Variants in DRC1 observed in about 807,000 individuals in gnomAD.
DRC1 encodes the protein dynein regulatory complex subunit 1.
Under a neutral mutation model 98.7 loss-of-function variants are expected in DRC1, and 74 were observed. The ratio of observed to expected loss-of-function variants is 0.75; its 90% CI spans 0.62 to 0.91. The LOEUF (loss-of-function observed/expected upper bound fraction) is 0.91. DRC1 is among the 40% of genes least tolerant of loss of function. The pLI is 0.00. For synonymous variants in DRC1, 336 were observed against 334.1 expected, an observed-to-expected ratio of 1.01 and a Z score of -0.06; for missense variants, 875 against 886.0, an observed-to-expected ratio of 0.99 and a Z score of 0.16.
chr2:26,408,944 T>C (rs1196172981), intron 1 of DRC1, among the ~76,000 whole-genome samples: 1 of 152,112 alleles, frequency 6.6e-6, no homozygotes, highest in African/African-American at 2.4e-5. Flanking sequence ...ATTTATTTAT[T>C]TTTTAAGCAA....
Position 26,439,934 on chromosome 2 carries a change from T to TATATATATATATATATATAC in DRC1, c.889-441_889-440insTATATATATATATATACATA, listed in dbSNP as rs1017038187. Among the ~76,000 whole-genome samples the TATATATATATATATATATAC allele has an allele frequency of 2.5e-3, 279 of 111,672 alleles. 21 individuals carry two copies. Among genetic ancestry groups the TATATATATATATATATATAC allele is most frequent in the African/African-American group, 9.5e-3 (233 of 24,470 alleles). The allele number at this position is 111,672 out of a possible 152,430, so 73.3% of individuals were successfully genotyped here. A position where few individuals can be genotyped will look rare whatever the true frequency, so the allele number is the denominator to read the frequency against. On this transcript the variant is annotated intron_variant, in intron 7 of 16. Transcript: ENST00000288710. The stretch of plus-strand genomic sequence containing the variant: ...CAACTAGTGTGTGAATATATATATA[T>TATATATATATATATATATAC]ATACACACACACATACACACACACA...
intron 2 of DRC1, among the ~76,000 whole-genome samples, chr2:26,417,418 T>A (rs138433591): frequency 1.8e-4 from 28 of 151,642 alleles, no homozygotes; most frequent in African/African-American, 6.5e-4. Flanking sequence ...AACCGCCGCC[T>A]CCTGGGTTCA....
chr2:26,454,789 CAGTA>C lies in DRC1; in HGVS notation c.2063+3_2063+6del, dbSNP rs1664099293. 6.2e-7 allele frequency: 1 copy of C among 1,614,036 alleles called. No homozygotes were observed. ...CCTCTACACAGCCTTGGAGAAGTACCAGTAAGTGTGCATGTCATGGAGCAGGAGG... is the reference window on the plus strand; with the variant it reads ...CCTCTACACAGCCTTGGAGAAGTACCAGTGTGCATGTCATGGAGCAGGAGG... On this transcript the variant is annotated splice_donor_variant and splice_donor_region_variant and coding_sequence_variant and intron_variant, in exon 15 of 17. Coordinates refer to ENST00000288710, the MANE Select transcript of DRC1 (RefSeq NM_145038.5). LOFTEE classifies it high-confidence loss of function. The surrounding 1 kb of genome is among the most constrained non-coding windows in gnomAD (Gnocchi z 5.2).
intron 7 of DRC1, among the ~76,000 whole-genome samples, chr2:26,433,732 G>A (rs903924739): frequency 2.6e-5 from 4 of 152,166 alleles, no homozygotes; most frequent in African/African-American, 9.7e-5. Flanking sequence ...GATCAGAGAA[G>A]TGGTGGGCAG....
intron 6 of DRC1, 107 bp from the exon 7 acceptor site, chr2:26,431,777 A>G (rs1473575225): frequency 3.3e-6 from 5 of 1,525,892 alleles, no homozygotes; most frequent in South Asian, 1.3e-5. Context: ...CTGTGGAGCC[A>G]TGAAACTTCC....
chr2:26,411,143 G>T (rs996419860), intron 1 of DRC1, among the ~76,000 whole-genome samples: 5 of 152,168 alleles, frequency 3.3e-5, no homozygotes, highest in African/African-American at 1.2e-4. Flanking sequence ...AGGAGGGAGG[G>T]AGCTCAAATC....
At chr2:26,431,632 G>T (rs191275865) in intron 6 of DRC1, among the ~76,000 whole-genome samples, 44 of 151,306 alleles carry the variant, frequency 2.9e-4, no homozygotes, top group South Asian at 1.0e-3. Flanking sequence ...CAAATATTTA[G>T]ACTTCAAGGA....
Position 26,456,547 on chromosome 2 carries a change from G to T in DRC1, c.*30G>T, listed in dbSNP as rs1664182454. 2 of 1,613,634 alleles carry T rather than the reference G, an allele frequency of 1.2e-6. No homozygotes were observed. The highest frequency in any genetic ancestry group is 1.7e-6 in the Non-Finnish European group (2 of 1,179,626). On this transcript the variant is annotated 3_prime_UTR_variant, in exon 17 of 17. Transcript: ENST00000288710. ...GACCGCCAAAGGCTGATGTGTTAGG[G>T]CTGGCCTGATGCTGGTGTCTGTGCC...
chr2:26,448,103 T>G (rs1336326654), intron 10 of DRC1, among the ~76,000 whole-genome samples: 1 of 150,434 alleles, frequency 6.6e-6, no homozygotes, highest in East Asian at 2.0e-4. Context: ...TGGGTGTCTG[T>G]AATCCCAGCT....
chr2:26,437,927 A>G (rs1663614393), intron 7 of DRC1, among the ~76,000 whole-genome samples: 1 of 151,712 alleles, frequency 6.6e-6, no homozygotes. Context: ...CATCTCTACT[A>G]AAAATACAAA....
chr2:26,444,302 C>T lies in DRC1; in HGVS notation c.1109C>T (p.Thr370Ile), dbSNP rs777356236. 1.1e-5 allele frequency: 17 copies of T among 1,614,096 alleles called. No homozygotes were observed. Residue 370 changes from threonine to isoleucine, a missense_variant, in exon 9 of 17, where the codon ACC becomes ATC. Coordinates refer to ENST00000288710, the MANE Select transcript of DRC1 (RefSeq NM_145038.5). ...TTTCAGGAGGAGAACCAGTCTCTAA[C>T]CTCGGACTACAAACGTCTTGTGATG... The part of the protein sequence containing the change: ...KQFQEENQSL[T>I]SDYKRLVMQF...
At chr2:26,440,680 A>G (rs1009447452) in intron 8 of DRC1, among the ~76,000 whole-genome samples, 163 bp downstream of exon 8, 1 of 152,198 alleles carries the variant, frequency 6.6e-6, no homozygotes, top group Non-Finnish European at 1.5e-5. Flanking sequence ...TCTCCCCAAG[A>G]AAAGAGTACA....
At position 26,450,579 on chromosome 2, in the gene DRC1, T is replaced by G. The variant is rs2148004934; in HGVS notation, c.1600-13T>G. The G allele has an allele frequency of 1.9e-6, 3 of 1,606,436 alleles. No homozygotes were observed. The East Asian group carries it at 6.7e-5, about 36-fold the overall frequency. ...ATGGGGTGTTTGAGCAACCATCCTG[T>G]TTTTCGCCCCAGGCCCTTGGAATTG... is the stretch of plus-strand genomic sequence containing the variant. On this transcript the variant is annotated splice_polypyrimidine_tract_variant and intron_variant, in intron 12 of 16. Coordinates refer to ENST00000288710, the MANE Select transcript of DRC1 (RefSeq NM_145038.5).
chr2:26,444,775 A>G lies in DRC1; in HGVS notation c.1223A>G (p.Glu408Gly). 6.2e-7 allele frequency: 1 copy of G among 1,614,182 alleles called. No homozygotes were observed. The highest frequency in any genetic ancestry group is 8.5e-7 in the Non-Finnish European group (1 of 1,180,032). ...GAGATTTGGCTGATGAATGAAGAGG[A>G]GGCGAAGGACCTAATAGCCAGAGCC... The part of the protein sequence containing the change: ...FWEIWLMNEE[E>G]AKDLIARAFD... The change falls in exon 10 of 17, where the codon GAG becomes GGG. Residue 408 changes from glutamate to glycine, a missense_variant. Coordinates refer to ENST00000288710, the MANE Select transcript of DRC1 (RefSeq NM_145038.5).
intron 1 of DRC1, among the ~76,000 whole-genome samples, chr2:26,409,736 G>C: frequency 6.6e-6 from 1 of 152,220 alleles, no homozygotes; most frequent in East Asian, 1.9e-4. Context: ...CCTCATAAGA[G>C]TTGTTTTATC....
At position 26,444,697 on chromosome 2, in the gene DRC1, C is replaced by G. The variant is rs370699771; in HGVS notation, c.1164-19C>G. 1.1e-5 allele frequency: 18 copies of G among 1,611,854 alleles called. No homozygotes were observed. In the African/African-American group the frequency reaches 2.1e-4, roughly 19 times the overall value. On this transcript the variant is annotated intron_variant, in intron 9 of 16. Coordinates refer to ENST00000288710, the MANE Select transcript of DRC1 (RefSeq NM_145038.5). Reference sequence around the variant, plus strand: ...GGTCCTGGGGCCAGCTGGCCATGCTCTGTGACTCTCCTTCACAGGCATTTT... The same window carrying G: ...GGTCCTGGGGCCAGCTGGCCATGCTGTGTGACTCTCCTTCACAGGCATTTT...
At chr2:26,445,179 A>T (rs558401199) in intron 10 of DRC1, among the ~76,000 whole-genome samples, 1 of 152,182 alleles carries the variant, frequency 6.6e-6, no homozygotes, top group Admixed American at 6.5e-5. Flanking sequence ...TGCTAAGTAC[A>T]CTATTGTGTA....
chr2:26,429,781 A>T lies in DRC1; in HGVS notation c.678+16A>T. On this transcript the variant is annotated intron_variant, in intron 5 of 16. Transcript: ENST00000288710. ...TAACATTGAGGTAACAGGGTGTGAA[A>T]AGACCTGGTTTCTGCTCTTGGAGGG... 1 of 1,613,226 alleles carries T rather than the reference A, an allele frequency of 6.2e-7. No homozygotes were observed. The highest frequency in any genetic ancestry group is 8.5e-7 in the Non-Finnish European group (1 of 1,179,528).
chr2:26,434,890 C>CAAAAA (rs58202507), intron 7 of DRC1, among the ~76,000 whole-genome samples: 1 of 126,882 alleles, frequency 7.9e-6, no homozygotes. Context: ...GACTCCGTCT[C>CAAAAA]AAAAAAAAAA....
Sources: gnomAD v4.1 joint callset for allele counts (sites outside exome capture counted in the v4.1 genomes callset) on GRCh38, gnomAD v4.1.1 for gene constraint, Gnocchi (gnomAD v3.1) non-coding constraint, MANE v1.5 for transcripts, NCBI Gene and HGNC (gene_info 2026-07-23, HGNC 2026-07-21) for gene names.